ZNF407: variants seen among roughly 807,000 people sequenced by gnomAD.
ZNF407 encodes zinc finger protein 407.
In ZNF407, 17 loss-of-function variants were observed where a neutral mutation model predicts 131.2. The observed-to-expected ratio is 0.13, with a 90% CI of 0.09 to 0.19. The LOEUF (loss-of-function observed/expected upper bound fraction) is 0.19, where lower values mean the gene tolerates loss of function less well. Ranked by LOEUF, ZNF407 falls within the 10% of genes least tolerant of loss-of-function variation. The pLI is 1.00. For missense variants in ZNF407, 2,681 were observed against 2,830.6 expected (o/e 0.95, Z 1.20); for synonymous variants, 1,156 against 1,062.0 (o/e 1.09, Z -1.72).
chr18:74,829,988 G>A (rs560946320), intron 4 of ZNF407, among the ~76,000 whole-genome samples: 1 of 152,230 alleles, frequency 6.6e-6, no homozygotes, highest in African/African-American at 2.4e-5. Context: ...AGTTTATAAG[G>A]GAGGGACCCT....
chr18:74,833,991 C>A (rs1470903683), intron 4 of ZNF407, among the ~76,000 whole-genome samples: 1 of 152,176 alleles, frequency 6.6e-6, no homozygotes, highest in African/African-American at 2.4e-5. Context: ...CTTGAGTTTA[C>A]ATGGATCAGA....
chr18:74,946,544 CATTT>C (rs1372447108), intron 8 of ZNF407, among the ~76,000 whole-genome samples: 1 of 152,156 alleles, frequency 6.6e-6, no homozygotes, highest in Non-Finnish European at 1.5e-5. Flanking sequence ...TACAGTGATT[CATTT>C]GTCTGTTTAC....
chr18:74,633,429 C>G lies in ZNF407; in HGVS notation c.2410C>G (p.Gln804Glu). The change falls in exon 2 of 9, where the codon CAA (glutamine) becomes GAA (glutamate). Residue 804 changes from glutamine (Q) to glutamate (E), a missense_variant. Gln to Glu is a conservative substitution (Grantham distance 29, BLOSUM62 2). Around this residue, in one of 6 missense-constraint regions of ZNF407, gnomAD observed 1,789 missense variants for 1,748.7 expected, o/e 1.02. Transcript: ENST00000299687. The part of the protein sequence containing the change: ...NGRIEGHIGV[Q>E]LQEHSYLEKG... ...AAGGATTGAAGGCCATATAGGTGTGCAATTACAAGAGCATTCCTATCTTGA... is the reference window on the plus strand; with the variant it reads ...AAGGATTGAAGGCCATATAGGTGTGGAATTACAAGAGCATTCCTATCTTGA... The G allele has an allele frequency of 6.2e-7, 1 of 1,613,930 alleles. No individual in the cohort carries two copies. Among genetic ancestry groups the G allele is most frequent in the African/African-American group, 1.3e-5 (1 of 75,022 alleles).
At chr18:74,826,779 T>G (rs1406408276) in intron 4 of ZNF407, among the ~76,000 whole-genome samples, 2 of 152,148 alleles carry the variant, frequency 1.3e-5, no homozygotes, top group African/African-American at 4.8e-5. Context: ...ACTGGCAGCA[T>G]GAGGGTTAAC....
At chr18:74,717,722 GC>G (rs1967928928) in intron 3 of ZNF407, among the ~76,000 whole-genome samples, 1 of 152,172 alleles carries the variant, frequency 6.6e-6, no homozygotes, top group Non-Finnish European at 1.5e-5. Context: ...TCTACAAAAT[GC>G]TTTGGACCAG....
chr18:74,737,376 C>T (rs1968442409), intron 3 of ZNF407, among the ~76,000 whole-genome samples: 1 of 152,174 alleles, frequency 6.6e-6, no homozygotes, highest in Non-Finnish European at 1.5e-5. Flanking sequence ...CTATCTTACT[C>T]TGGAGAAATG....
At chr18:74,714,740 A>AC (rs1198512114) in intron 3 of ZNF407, among the ~76,000 whole-genome samples, 7 of 152,180 alleles carry the variant, frequency 4.6e-5, no homozygotes, top group Admixed American at 3.3e-4. Flanking sequence ...ACCTGGAAAT[A>AC]AGATTTGTCA....
intron 8 of ZNF407, among the ~76,000 whole-genome samples, chr18:74,947,703 CA>C (rs149434834): frequency 0.047 from 7,079 of 152,228 alleles, 557 homozygotes; most frequent in African/African-American, 0.16. Flanking sequence ...CAGCCTCACT[CA>C]ACTGATAAAA....
intron 4 of ZNF407, among the ~76,000 whole-genome samples, chr18:74,841,410 C>T (rs2145132061): frequency 6.6e-6 from 1 of 152,296 alleles, no homozygotes; most frequent in Non-Finnish European, 1.5e-5. Flanking sequence ...CGCTTCCCTT[C>T]TCAGTGAGGC....
At chr18:74,693,056 A>G (rs1243810101) in intron 3 of ZNF407, among the ~76,000 whole-genome samples, 1 of 152,206 alleles carries the variant, frequency 6.6e-6, no homozygotes, top group African/African-American at 2.4e-5. Context: ...ACTGTGGTGC[A>G]CGTCAGTTCA....
intron 3 of ZNF407, among the ~76,000 whole-genome samples, chr18:74,702,310 T>C (rs1055319001): frequency 6.6e-6 from 1 of 152,194 alleles, no homozygotes; most frequent in Non-Finnish European, 1.5e-5. Context: ...AGTACACTTT[T>C]GGTGTTTACA....
Position 74,632,805 on chromosome 18 carries a change from A to T in ZNF407, c.1786A>T (p.Ile596Leu). ...SVLSCQCCSF[I>L]SLDEINLRDH... ...CCTGAGTTGTCAGTGTTGTTCATTT[A>T]TATCCTTGGATGAAATAAATCTTAG... The change falls in exon 2 of 9, where the codon ATA (isoleucine) becomes TTA (leucine). Residue 596 changes from isoleucine (I) to leucine (L), a missense_variant. Physicochemically the swap from Ile to Leu is conservative, Grantham distance 5. Coordinates refer to ENST00000299687, the MANE Select transcript of ZNF407 (RefSeq NM_017757.3). 6.2e-7 allele frequency: 1 copy of T among 1,614,026 alleles called. No individual in the cohort carries two copies. Among genetic ancestry groups the T allele is most frequent in the South Asian group, 1.1e-5 (1 of 91,086 alleles).
At chr18:74,848,902 A>C (rs1213939825) in intron 4 of ZNF407, among the ~76,000 whole-genome samples, 2 of 152,190 alleles carry the variant, frequency 1.3e-5, no homozygotes, top group African/African-American at 4.8e-5. Flanking sequence ...GTATGCGTGA[A>C]TATTAGATTG....
intron 7 of ZNF407, among the ~76,000 whole-genome samples, chr18:74,912,254 TGGCCC>T (rs765156439): frequency 7.9e-5 from 12 of 152,302 alleles, no homozygotes; most frequent in Non-Finnish European, 1.8e-4. Context: ...AATTTATTAT[TGGCCC>T]GGTTCTCTCT....
intron 3 of ZNF407, among the ~76,000 whole-genome samples, chr18:74,699,913 T>C (rs1025140799): frequency 1.3e-5 from 2 of 152,212 alleles, no homozygotes; most frequent in African/African-American, 4.8e-5. Context: ...TATATGCACA[T>C]GTTTCTCTTA....
At chr18:74,982,087 G>A (rs891478940) in intron 8 of ZNF407, among the ~76,000 whole-genome samples, 1 of 152,176 alleles carries the variant, frequency 6.6e-6, no homozygotes, top group African/African-American at 2.4e-5. Context: ...CAATACAGCA[G>A]GACACCTCCA....
chr18:74,934,337 CTA>C (rs1450154239), intron 8 of ZNF407, among the ~76,000 whole-genome samples: 26 of 151,908 alleles, frequency 1.7e-4, no homozygotes, highest in Non-Finnish European at 1.5e-5. Context: ...TATTGGGGAA[CTA>C]TGTTTTAGGA....
chr18:74,978,541 G>A (rs1972553424), intron 8 of ZNF407, among the ~76,000 whole-genome samples: 1 of 152,052 alleles, frequency 6.6e-6, no homozygotes, highest in African/African-American at 2.4e-5. Context: ...AGCACACTGT[G>A]TATGGAGCAT....
chr18:75,045,829 G>C (rs536602008), intron 8 of ZNF407, among the ~76,000 whole-genome samples: 57 of 151,664 alleles, frequency 3.8e-4, no homozygotes, highest in African/African-American at 1.4e-3. Context: ...GTATGCATTG[G>C]GGGGAGGTAG....
Sources: allele counts gnomAD v4.1 joint callset (sites outside exome capture counted in the v4.1 genomes callset), GRCh38; gene constraint gnomAD v4.1.1; regional missense constraint gnomAD v4.1.1; transcripts MANE v1.5; gene names NCBI Gene and HGNC (gene_info 2026-07-23, HGNC 2026-07-21).